TUBA1C: variants seen among roughly 807,000 people sequenced by gnomAD.
TUBA1C encodes tubulin alpha 1c.
A neutral mutation model predicts 34.9 loss-of-function variants in TUBA1C; 16 were observed. The ratio of observed to expected loss-of-function variants is 0.46; its 90% CI spans 0.31 to 0.70. The LOEUF (loss-of-function observed/expected upper bound fraction) is 0.70. Ranked by LOEUF, TUBA1C falls within the 30% of genes least tolerant of loss-of-function variation. The probability of loss-of-function intolerance (pLI) is 0.05; values close to 1 mark genes in which losing one functional copy is unlikely to be tolerated. For missense variants in TUBA1C, 329 were observed against 587.3 expected, an observed-to-expected ratio of 0.56 and a Z score of 4.55; for synonymous variants, 177 against 215.9, an observed-to-expected ratio of 0.82 and a Z score of 1.58.
At chr12:49,247,730 G>C (rs1191782308) in intron 1 of TUBA1C, among the ~76,000 whole-genome samples, 1 of 151,932 alleles carries the variant, frequency 6.6e-6, no homozygotes, top group African/African-American at 2.4e-5. Flanking sequence ...GGCGGATCAC[G>C]AGGTTAGGAG....
In TUBA1C at chr12:49,242,806, CTGT is replaced by C. The variant is rs369995862; in HGVS notation, c.213+14651_213+14653del. 5.9e-5 allele frequency among the ~76,000 whole-genome samples: 9 copies of C among 151,890 alleles called. No homozygotes were observed. In the South Asian group the frequency reaches 1.2e-3, roughly 21 times the overall value. On this transcript the variant is annotated intron_variant, in intron 1 of 3. Coordinates refer to the TUBA1C transcript ENST00000541364. ...CCTGGCTCATCTGTGACTTCTAATT[CTGT>C]TGTTGTTGTTTTGAGACAGGGTCTT...
chr12:49,241,485 A>G (rs1942614187), intron 1 of TUBA1C, among the ~76,000 whole-genome samples: 1 of 152,186 alleles, frequency 6.6e-6, no homozygotes, highest in Non-Finnish European at 1.5e-5. Flanking sequence ...AGGGACTGAC[A>G]GGAGGTAAGA....
chr12:49,241,101 C>T (rs1942610486), intron 1 of TUBA1C, among the ~76,000 whole-genome samples: 1 of 152,036 alleles, frequency 6.6e-6, no homozygotes, highest in Admixed American at 6.6e-5. Flanking sequence ...AGGGTTTCAC[C>T]ATGTTGGCCA....
At chr12:49,236,931 T>TGAAAA (rs1942561081) in intron 1 of TUBA1C, among the ~76,000 whole-genome samples, 1 of 152,208 alleles carries the variant, frequency 6.6e-6, no homozygotes, top group Non-Finnish European at 1.5e-5. Context: ...CACCATTGAC[T>TGAAAA]GAAACATCAT....
At chr12:49,265,958 A>T (rs1292817836) in intron 1 of TUBA1C, among the ~76,000 whole-genome samples, 4 of 63,916 alleles carry the variant, frequency 6.3e-5, no homozygotes, top group African/African-American at 2.1e-4. Flanking sequence ...TCTCTACTTT[A>T]AAAAAAAAAA....
At chr12:49,243,878 G>C (rs1942642402) in intron 1 of TUBA1C, among the ~76,000 whole-genome samples, 1 of 152,094 alleles carries the variant, frequency 6.6e-6, no homozygotes, top group Non-Finnish European at 1.5e-5. Flanking sequence ...GGCCAGGCAT[G>C]GTGGCTCGTG....
At chr12:49,268,855 A>G (rs897349737) in intron 1 of TUBA1C, among the ~76,000 whole-genome samples, 17 of 152,200 alleles carry the variant, frequency 1.1e-4, no homozygotes, top group African/African-American at 3.9e-4. Flanking sequence ...TTACACAATC[A>G]TTCAGAGAAT....
At chr12:49,235,885 T>G (rs1942549998) in intron 1 of TUBA1C, among the ~76,000 whole-genome samples, 1 of 152,170 alleles carries the variant, frequency 6.6e-6, no homozygotes, top group Non-Finnish European at 1.5e-5. Flanking sequence ...AACCTGAGGC[T>G]CAACTCATTT....
rs1371339414 is a variant in TUBA1C at position 49,265,253 on chromosome 12, G to T, written c.3+69G>T. 2.8e-5 allele frequency: 39 copies of T among 1,403,694 alleles called. No individual in the cohort carries two copies. The Admixed American group carries it at 7.0e-4, about 25-fold the overall frequency. 87.0% of individuals were successfully genotyped at this position (1,403,694 alleles called of 1,614,324 possible). A position where few individuals can be genotyped will look rare whatever the true frequency, so the allele number is the denominator to read the frequency against. ...GGGGACGGCGGGCCCGGAAACTACT[G>T]CCTGCACCTCGGGCCGCGCCCAGGA... On this transcript the variant is annotated intron_variant, in intron 1 of 3. Coordinates refer to ENST00000301072, the MANE Select transcript of TUBA1C (RefSeq NM_032704.5).
chr12:49,259,850 T>C (rs1043041619), intron 1 of TUBA1C, among the ~76,000 whole-genome samples: 2 of 152,180 alleles, frequency 1.3e-5, no homozygotes, highest in African/African-American at 2.4e-5. Flanking sequence ...TGGCTGGCTG[T>C]GTGTCCTGGG....
At chr12:49,244,562 G>C (rs868518201) in intron 1 of TUBA1C, among the ~76,000 whole-genome samples, 2 of 151,542 alleles carry the variant, frequency 1.3e-5, no homozygotes, top group Non-Finnish European at 1.5e-5. Context: ...TCCCAGAGAG[G>C]TATTTTTTTT....
chr12:49,239,646 GAAA>G, intron 1 of TUBA1C, among the ~76,000 whole-genome samples: 1 of 116,150 alleles, frequency 8.6e-6, no homozygotes, highest in African/African-American at 3.1e-5. Flanking sequence ...GTCTCAAAAA[GAAA>G]AAAAAAAAAA....
chr12:49,238,728 T>C (rs1281566159), intron 1 of TUBA1C, among the ~76,000 whole-genome samples: 1 of 152,192 alleles, frequency 6.6e-6, no homozygotes, highest in African/African-American at 2.4e-5. Context: ...CCCAGGCTAA[T>C]TTTGAACTCC....
chr12:49,270,624 C>T (rs927221931), intron 3 of TUBA1C, among the ~76,000 whole-genome samples: 5 of 152,178 alleles, frequency 3.3e-5, no homozygotes, highest in Non-Finnish European at 5.9e-5. Context: ...TTCATGGCTT[C>T]ATACTTTCTC....
chr12:49,239,996 G>A (rs1201461372), intron 1 of TUBA1C, among the ~76,000 whole-genome samples: 1 of 150,234 alleles, frequency 6.7e-6, no homozygotes. Flanking sequence ...TATTTCAGTT[G>A]CTTGTTTGCT....
exon 1 of TUBA1C, chr12:49,228,070 G>C (rs1212956084): frequency 6.5e-7 from 1 of 1,535,630 alleles, no homozygotes; most frequent in African/African-American, 1.4e-5. Flanking sequence ...TCTCTAACTG[G>C]ATTCTTATTT....
In TUBA1C at chr12:49,242,622, C is replaced by T. The variant is rs185068431; in HGVS notation, c.213+14456C>T. 5.5e-4 allele frequency among the ~76,000 whole-genome samples: 84 copies of T among 152,152 alleles called. No individual in the cohort carries two copies. In the East Asian group the frequency reaches 0.016, roughly 29 times the overall value. On this transcript the variant is annotated intron_variant, in intron 1 of 3. Coordinates refer to the TUBA1C transcript ENST00000541364. ...AGCTGGGACTGAAGGTGCACACCAC[C>T]ACACCCAGCTAATTTCCAGCTAATT...
chr12:49,271,326 A>G (rs1250751901), intron 3 of TUBA1C, among the ~76,000 whole-genome samples: 1 of 152,218 alleles, frequency 6.6e-6, no homozygotes, highest in Non-Finnish European at 1.5e-5. Flanking sequence ...GGTCAAAATC[A>G]TTCCTTCGTA....
intron 1 of TUBA1C, among the ~76,000 whole-genome samples, chr12:49,253,864 C>T (rs1942755152): frequency 6.6e-6 from 1 of 151,980 alleles, no homozygotes; most frequent in South Asian, 2.1e-4. Flanking sequence ...TTTGTCTAAA[C>T]AAAAGAAAGT....
Sources: gnomAD v4.1 joint callset for allele counts (sites outside exome capture counted in the v4.1 genomes callset) on GRCh38, gnomAD v4.1.1 for gene constraint, MANE v1.5 for transcripts, NCBI Gene and HGNC (gene_info 2026-07-23, HGNC 2026-07-21) for gene names.